SLC9A8: variants seen among roughly 807,000 people sequenced by gnomAD.
SLC9A8 encodes solute carrier family 9 member A8.
In SLC9A8, 48 loss-of-function variants were observed where a neutral mutation model predicts 66.6. The observed-to-expected ratio is 0.72, with a 90% CI of 0.57 to 0.92. The LOEUF is 0.92. Among genes scored for constraint, SLC9A8 ranks in the 40% least tolerant of loss-of-function variants. The probability of loss-of-function intolerance (pLI) is 0.00; values close to 1 mark genes in which losing one functional copy is unlikely to be tolerated. For missense variants in SLC9A8, 599 were observed against 747.3 expected (o/e 0.80, Z 2.31); for synonymous variants, 274 against 282.6 (o/e 0.97, Z 0.31).
At chr20:49,845,949 C>A (rs1053729727) in intron 5 of SLC9A8, among the ~76,000 whole-genome samples, 4 of 152,290 alleles carry the variant, frequency 2.6e-5, no homozygotes, top group Middle Eastern at 3.4e-3. Context: ...ATTCTTCTGC[C>A]TCAGCCTCCT....
chr20:49,856,782 A>G (rs1364183631), intron 8 of SLC9A8, among the ~76,000 whole-genome samples: 4 of 149,942 alleles, frequency 2.7e-5, no homozygotes, highest in Admixed American at 6.7e-5. Flanking sequence ...AGATCACACC[A>G]CTGGATTCCA....
chr20:49,844,992 T>C (rs374859492), intron 4 of SLC9A8, 44 bp from the exon 5 acceptor site: 14 of 1,366,680 alleles, frequency 1.0e-5, no homozygotes, highest in Non-Finnish European at 1.5e-5. Flanking sequence ...ATTTCTTAAT[T>C]ACACAAATTC....
At chr20:49,829,363 CA>C (rs879443252) in intron 3 of SLC9A8, 1,068 of 148,092 alleles carry the variant, frequency 7.2e-3, no homozygotes, top group South Asian at 0.023. Flanking sequence ...ACTAAAAATA[CA>C]AAAAAAAAAA....
At position 49,886,701 on chromosome 20, in the gene SLC9A8, C is replaced by A; in HGVS notation, c.1492-51C>A. 1 of 1,589,476 alleles carries A rather than the reference C, an allele frequency of 6.3e-7. No homozygotes were observed. Among genetic ancestry groups the A allele is most frequent in the South Asian group, 1.1e-5 (1 of 87,834 alleles). ...GGTGTGGGGGCTTCCAGGAGGTGCC[C>A]CCCGATGGTGCCAGCTGGTGGCCGT... On this transcript the variant is annotated intron_variant, in intron 14 of 15. Coordinates refer to ENST00000361573, the MANE Select transcript of SLC9A8 (RefSeq NM_015266.3). The surrounding 1 kb of genome is among the most constrained non-coding windows in gnomAD (Gnocchi z 4.8).
rs76752582 is a variant in SLC9A8, at chr20:49,891,126, G to T, written c.*3190G>T. On this transcript the variant is annotated 3_prime_UTR_variant, in exon 16 of 16. Transcript: ENST00000361573. ...TGGGTGTGGCCTGGGGTGGCTCAGG[G>T]CTGGAACTGCTGCCTGATTCCTGTG... 6.7e-3 allele frequency: 1,015 copies of T among 152,538 alleles called. 7 individuals are homozygous for T. Among genetic ancestry groups the T allele is most frequent in the African/African-American group, 0.023 (950 of 41,576 alleles). The allele number at this position is 152,538 out of a possible 1,614,324, so 9.4% of individuals were successfully genotyped here. A position where few individuals can be genotyped will look rare whatever the true frequency, so the allele number is the denominator to read the frequency against.
chr20:49,814,290 A>G (rs1211329421), intron 1 of SLC9A8, among the ~76,000 whole-genome samples: 5 of 152,212 alleles, frequency 3.3e-5, no homozygotes, highest in African/African-American at 1.2e-4. Context: ...AACGGAAAGT[A>G]ATCATACCCA....
At chr20:49,865,569 A>G (rs140550576) in intron 10 of SLC9A8, among the ~76,000 whole-genome samples, 1 of 152,264 alleles carries the variant, frequency 6.6e-6, no homozygotes, top group East Asian at 1.9e-4. Context: ...AGCTCTCAGC[A>G]GCAGAGACGA....
chr20:49,841,164 G>A (rs2087742878), intron 4 of SLC9A8, among the ~76,000 whole-genome samples: 1 of 152,044 alleles, frequency 6.6e-6, no homozygotes, highest in South Asian at 2.1e-4. Flanking sequence ...AAAGTAGCTG[G>A]ACGTGGTGGC....
intron 4 of SLC9A8, 72 bp downstream of exon 4, chr20:49,839,671 G>T (rs1318994258): frequency 2.2e-6 from 2 of 903,560 alleles, no homozygotes; most frequent in South Asian, 1.5e-5. Context: ...GTAATTACTT[G>T]GCTATCAGTG....
intron 5 of SLC9A8, among the ~76,000 whole-genome samples, chr20:49,847,388 T>C (rs1386236447): frequency 3.3e-5 from 5 of 150,984 alleles, no homozygotes; most frequent in Non-Finnish European, 5.9e-5. Flanking sequence ...TTTTCTTTTT[T>C]TTTTTTTTTT....
At chr20:49,867,755 T>G (rs540435657) in intron 10 of SLC9A8, among the ~76,000 whole-genome samples, 1 of 152,300 alleles carries the variant, frequency 6.6e-6, no homozygotes, top group East Asian at 1.9e-4. Flanking sequence ...GAAAATAGTT[T>G]TGTTTCATAT....
intron 4 of SLC9A8, among the ~76,000 whole-genome samples, chr20:49,839,888 C>A (rs1024649838): frequency 2.6e-5 from 4 of 152,002 alleles, no homozygotes; most frequent in Non-Finnish European, 2.9e-5. Flanking sequence ...CAGGAAAATT[C>A]TCTAATTAGC....
intron 3 of SLC9A8, among the ~76,000 whole-genome samples, chr20:49,833,868 C>G (rs1247174509): frequency 6.6e-6 from 1 of 152,116 alleles, no homozygotes; most frequent in Non-Finnish European, 1.5e-5. Context: ...GCACAAAGAT[C>G]AACTAGGAGC....
chr20:49,865,511 G>C (rs926144771), intron 10 of SLC9A8, among the ~76,000 whole-genome samples: 1 of 152,204 alleles, frequency 6.6e-6, no homozygotes, highest in Non-Finnish European at 1.5e-5. Flanking sequence ...GAGATTGACA[G>C]TGGAGGCCCA....
chr20:49,862,888 T>C (rs780091265), intron 8 of SLC9A8, 41 bp from the exon 9 acceptor site: 2 of 1,489,178 alleles, frequency 1.3e-6, no homozygotes, highest in Non-Finnish European at 1.9e-6. Context: ...ACTTTGTGTA[T>C]ATAACATTTT....
At chr20:49,820,849 CTG>C (rs2086715182) in intron 2 of SLC9A8, among the ~76,000 whole-genome samples, 1 of 152,112 alleles carries the variant, frequency 6.6e-6, no homozygotes, top group Non-Finnish European at 1.5e-5. Flanking sequence ...CAGGCCCTCA[CTG>C]TATTTTTTAA....
intron 3 of SLC9A8, among the ~76,000 whole-genome samples, chr20:49,834,227 T>A (rs1400246390): frequency 9.2e-5 from 12 of 130,970 alleles, no homozygotes; most frequent in Non-Finnish European, 1.3e-4. Flanking sequence ...ACACACACAC[T>A]ATGTATATAC....
At chr20:49,844,032 C>T (rs6020082) in intron 4 of SLC9A8, among the ~76,000 whole-genome samples, 20 of 152,224 alleles carry the variant, frequency 1.3e-4, no homozygotes, top group Admixed American at 4.6e-4. Flanking sequence ...TGGAAGCAGC[C>T]TAAGGTTCTT....
At chr20:49,831,009 A>G in intron 3 of SLC9A8, 1 of 743,928 alleles carries the variant, frequency 1.3e-6, no homozygotes, top group East Asian at 2.5e-5. Context: ...GCTGCAGCCA[A>G]CCAGGTGTAC....
Sources: gnomAD v4.1 joint callset for allele counts (sites outside exome capture counted in the v4.1 genomes callset) on GRCh38, gnomAD v4.1.1 for gene constraint, Gnocchi (gnomAD v3.1) non-coding constraint, MANE v1.5 for transcripts, NCBI Gene and HGNC (gene_info 2026-07-23, HGNC 2026-07-21) for gene names.